Variants in ISM1 observed in about 807,000 individuals in gnomAD.
The protein encoded by ISM1 is isthmin-1.
Under a neutral mutation model 46.3 loss-of-function variants are expected in ISM1, and 25 were observed. The observed-to-expected ratio is 0.54, with a 90% CI of 0.39 to 0.75. The LOEUF is 0.75. Ranked by LOEUF, ISM1 falls within the 30% of genes least tolerant of loss-of-function variation. The probability of loss-of-function intolerance (pLI) is 0.00; values close to 1 mark genes in which losing one functional copy is unlikely to be tolerated. For missense variants in ISM1, 536 were observed against 625.4 expected (o/e 0.86, Z 1.52); for synonymous variants, 255 against 256.7 (o/e 0.99, Z 0.06).
downstream of ISM1, among the ~76,000 whole-genome samples, chr20:13,304,357 A>G (rs2040482688): frequency 6.6e-6 from 1 of 152,178 alleles, no homozygotes; most frequent in Non-Finnish European, 1.5e-5. Flanking sequence ...GTGGGCGGTC[A>G]TGGGGAGAGG....
At chr20:13,322,132 G>A in the ISM1 span, among the ~76,000 whole-genome samples, 2 of 152,126 alleles carry the variant, frequency 1.3e-5, no homozygotes, top group Non-Finnish European at 2.9e-5. Context: ...TTTTAATGTC[G>A]TAAAGAGATT....
chr20:13,282,778 C>T (rs998547495), intron 3 of ISM1, among the ~76,000 whole-genome samples: 4 of 152,296 alleles, frequency 2.6e-5, no homozygotes, highest in South Asian at 2.1e-4. Flanking sequence ...TGAATAGCCC[C>T]GGGCCTTGTT....
chr20:13,248,010 G>A (rs4814209), intron 1 of ISM1, among the ~76,000 whole-genome samples: 37,680 of 152,040 alleles, frequency 0.25, 4,743 homozygotes, highest in African/African-American at 0.3. Flanking sequence ...GTGTGTCAGT[G>A]TTGTGGTTTC....
At chr20:13,301,111 C>T (rs183306317), downstream of ISM1, among the ~76,000 whole-genome samples, 35 of 152,288 alleles carry the variant, frequency 2.3e-4, no homozygotes, top group East Asian at 5.8e-4. Context: ...CTTATATTCC[C>T]GGTACCTTTG....
intron 1 of ISM1, among the ~76,000 whole-genome samples, chr20:13,233,420 A>AC (rs1405814105): frequency 2.6e-5 from 4 of 151,682 alleles, no homozygotes; most frequent in Admixed American, 1.3e-4. Context: ...ACATGGAGAA[A>AC]CCCCATCTCT....
In ISM1 at chr20:13,255,796, G is replaced by A. The variant is rs539484491; in HGVS notation, c.139-14708G>A. On this transcript the variant is annotated intron_variant, in intron 1 of 5. Transcript: ENST00000262487. ...ACAAATTGTACAATGTACATGGCAT[G>A]GTAGACCTAAGTGAAACTACAAGGG... 7.9e-5 allele frequency among the ~76,000 whole-genome samples: 12 copies of A among 152,256 alleles called. No homozygotes were observed. The East Asian group carries it at 2.1e-3, about 27-fold the overall frequency.
At chr20:13,249,733 G>A (rs1202149400) in intron 1 of ISM1, among the ~76,000 whole-genome samples, 2 of 152,308 alleles carry the variant, frequency 1.3e-5, no homozygotes, top group South Asian at 4.1e-4. Context: ...GCCAAAGGAA[G>A]TACTTCTCCT....
chr20:13,287,276 T>A (rs191254690), intron 3 of ISM1, among the ~76,000 whole-genome samples: 5 of 152,164 alleles, frequency 3.3e-5, no homozygotes, highest in Admixed American at 2.0e-4. Flanking sequence ...TTACATGGTG[T>A]CAGGCCAGGG....
At position 13,240,978 on chromosome 20, in the gene ISM1, C is replaced by A. The variant is rs1392223313; in HGVS notation, c.138+19064C>A. Reference sequence around the variant, plus strand: ...AATAGCAGGGAGGCTGTGAAGTGGACAGGGAGCTGAGAGTGAGGTGTCATG... The same window carrying A: ...AATAGCAGGGAGGCTGTGAAGTGGAAAGGGAGCTGAGAGTGAGGTGTCATG... On this transcript the variant is annotated intron_variant, in intron 1 of 5. Transcript: ENST00000262487. Among the ~76,000 whole-genome samples the A allele has an allele frequency of 2.0e-5, 3 of 152,108 alleles. No homozygotes were observed. The East Asian group carries it at 5.8e-4, about 29-fold the overall frequency.
Position 13,295,111 on chromosome 20 carries a change from T to C in ISM1, c.877+2648T>C, listed in dbSNP as rs1023637119. 5.3e-5 allele frequency among the ~76,000 whole-genome samples: 8 copies of C among 152,276 alleles called. No homozygotes were observed. In the East Asian group the frequency reaches 1.4e-3, roughly 26 times the overall value. ...CACCACCACCAGCCTCCCAGGCTCCTGGGTCAGAGCTGGAGTCACTGCTGA... is the reference window on the plus strand; with the variant it reads ...CACCACCACCAGCCTCCCAGGCTCCCGGGTCAGAGCTGGAGTCACTGCTGA... On this transcript the variant is annotated intron_variant, in intron 5 of 5. Coordinates refer to ENST00000262487, the MANE Select transcript of ISM1 (RefSeq NM_080826.2).
chr20:13,231,059 G>A (rs1389100924), intron 1 of ISM1, among the ~76,000 whole-genome samples: 1 of 151,988 alleles, frequency 6.6e-6, no homozygotes, highest in Non-Finnish European at 1.5e-5. Flanking sequence ...AGATTTCTGG[G>A]GTCATCTCTC....
At chr20:13,311,508 T>C in the ISM1 span, among the ~76,000 whole-genome samples, 11 of 152,224 alleles carry the variant, frequency 7.2e-5, no homozygotes, top group Non-Finnish European at 1.2e-4. Context: ...ATGATTATAC[T>C]CAATAGCTGA....
At chr20:13,240,591 G>T (rs1600493048) in intron 1 of ISM1, among the ~76,000 whole-genome samples, 1 of 152,364 alleles carries the variant, frequency 6.6e-6, no homozygotes, top group Admixed American at 6.5e-5. Flanking sequence ...CAAGGATTTT[G>T]CAGGTCATGA....
At chr20:13,234,526 C>T (rs2039625638) in intron 1 of ISM1, among the ~76,000 whole-genome samples, 1 of 152,154 alleles carries the variant, frequency 6.6e-6, no homozygotes, top group African/African-American at 2.4e-5. Context: ...TGAGAAATCT[C>T]CATACTGTTT....
At chr20:13,290,819 G>A (rs2040345588) in intron 4 of ISM1, among the ~76,000 whole-genome samples, 1 of 152,196 alleles carries the variant, frequency 6.6e-6, no homozygotes, top group African/African-American at 2.4e-5. Flanking sequence ...TTATGAAATA[G>A]GTATTTATGA....
intron 1 of ISM1, chr20:13,237,738 A>G (rs537859506): frequency 3.3e-5 from 5 of 152,358 alleles, no homozygotes; most frequent in African/African-American, 1.2e-4. Context: ...TAAAGAATGC[A>G]GCAGGCAGGG....
intron 1 of ISM1, among the ~76,000 whole-genome samples, chr20:13,230,944 G>C (rs553813295): frequency 1.3e-5 from 2 of 152,298 alleles, no homozygotes; most frequent in African/African-American, 4.8e-5. Flanking sequence ...TATGCCCAGT[G>C]TTTCTCTTGG....
At chr20:13,244,054 G>A (rs1476736792) in intron 1 of ISM1, 3 of 152,196 alleles carry the variant, frequency 2.0e-5, no homozygotes, top group African/African-American at 4.8e-5. Flanking sequence ...AGGTCAGAAA[G>A]AGAGCCCTGT....
intron 1 of ISM1, among the ~76,000 whole-genome samples, chr20:13,265,147 C>G (rs2040029233): frequency 6.6e-6 from 1 of 152,180 alleles, no homozygotes; most frequent in African/African-American, 2.4e-5. Flanking sequence ...CCCTTTGGAT[C>G]TATAAACCAC....
Sources: gnomAD v4.1 joint callset for allele counts (sites outside exome capture counted in the v4.1 genomes callset) on GRCh38, gnomAD v4.1.1 for gene constraint, MANE v1.5 for transcripts, NCBI Gene and HGNC (gene_info 2026-07-23, HGNC 2026-07-21) for gene names.